Variants in ATRX observed in about 807,000 individuals in gnomAD.
ATRX encodes the protein chromatin remodeler ATRX.
A neutral mutation model predicts 172.6 loss-of-function variants in ATRX; 12 were observed. That is an observed-to-expected ratio of 0.07 (90% CI 0.04 to 0.11). The LOEUF is 0.11. Ranked by LOEUF, ATRX falls within the 10% of genes least tolerant of loss-of-function variation. The pLI, the probability that ATRX is intolerant of heterozygous loss-of-function variation, is 1.00. For missense variants in ATRX, 1,368 were observed against 1,767.4 expected, an observed-to-expected ratio of 0.77 and a Z score of 4.05; for synonymous variants, 674 against 594.7, an observed-to-expected ratio of 1.13 and a Z score of -1.94.
intron 26 of ATRX, among the ~76,000 whole-genome samples, chrX:77,592,767 G>A (rs1191914791): frequency 3.7e-5 from 4 of 108,007 alleles, no homozygotes; most frequent in Non-Finnish European, 5.7e-5. Flanking sequence ...AGCCGAGATC[G>A]CACCATTGCA....
At chrX:77,528,918 T>C (rs2063483831) in intron 30 of ATRX, among the ~76,000 whole-genome samples, 2 of 111,823 alleles carry the variant, frequency 1.8e-5, no homozygotes, top group African/African-American at 3.2e-5. Flanking sequence ...AGAATCACGA[T>C]AAAACAATAC....
At chrX:77,580,350 C>A (rs782633819) in intron 27 of ATRX, among the ~76,000 whole-genome samples, 11 of 111,494 alleles carry the variant, frequency 9.9e-5, no homozygotes, top group Non-Finnish European at 1.7e-4. Context: ...CCAAAAAAGA[C>A]TACTTCAAGG....
intron 14 of ATRX, among the ~76,000 whole-genome samples, chrX:77,653,524 AAT>A (rs2148447573): frequency 8.9e-6 from 1 of 112,157 alleles, no homozygotes; most frequent in Admixed American, 9.4e-5. Flanking sequence ...CATAAATGAA[AAT>A]AGAGGTTACC....
Position 77,751,531 on chromosome X carries a change from T to A in ATRX, c.21-34288A>T, listed in dbSNP as rs1283747857. Reference sequence around the variant, plus strand: ...GGAAGCTCTTTAATTAGATCTCATTTGTCAATTTTGGCTTTTGTTGCCATT... The same window carrying A: ...GGAAGCTCTTTAATTAGATCTCATTAGTCAATTTTGGCTTTTGTTGCCATT... On this transcript the variant is annotated intron_variant, in intron 1 of 34. Coordinates refer to ENST00000373344, the MANE Select transcript of ATRX (RefSeq NM_000489.6). Among the ~76,000 whole-genome samples, 10 of 112,517 alleles carry A rather than the reference T, an allele frequency of 8.9e-5. No individual in the cohort carries two copies. The Admixed American group carries it at 9.4e-4, about 11-fold the overall frequency.
In ATRX at chrX:77,774,141, G is replaced by A. The variant is rs535869746; in HGVS notation, c.20+11841C>T. 6.4e-5 allele frequency among the ~76,000 whole-genome samples: 7 copies of A among 109,928 alleles called. No homozygotes were observed. The South Asian group carries it at 2.7e-3, about 43-fold the overall frequency. Reference sequence around the variant, plus strand: ...GGTGGCTGAGGTAGGAGAATCACTTGAACCTGGGAGATGGAGGTTGCAGTG... The same window carrying A: ...GGTGGCTGAGGTAGGAGAATCACTTAAACCTGGGAGATGGAGGTTGCAGTG... On this transcript the variant is annotated intron_variant, in intron 1 of 34. Transcript: ENST00000373344.
rs3063061 is a variant in ATRX at position 77,671,167 on chromosome X, A to AATATATATAT, written c.3809+5049_3809+5058dup. Among the ~76,000 whole-genome samples the AATATATATAT allele has an allele frequency of 8.7e-3, 137 of 15,721 alleles. 3 individuals carry two copies. The highest frequency in any genetic ancestry group is 0.017 in the East Asian group (11 of 662). 13.7% of individuals were successfully genotyped at this position (15,721 alleles called of 115,157 possible). On this transcript the variant is annotated intron_variant, in intron 10 of 34. Coordinates refer to ENST00000373344, the MANE Select transcript of ATRX (RefSeq NM_000489.6). ...TGTCTCAAAAAAAAAAAAAAAAAAAAATATATATATATATATATATATATA... is the reference window on the plus strand; with the variant it reads ...TGTCTCAAAAAAAAAAAAAAAAAAAAATATATATATATATATATATATATATATATATATA...
chrX:77,615,185 G>A (rs2067307241), intron 22 of ATRX, among the ~76,000 whole-genome samples: 1 of 110,730 alleles, frequency 9.0e-6, no homozygotes, highest in African/African-American at 3.3e-5. Flanking sequence ...TTTTCGTGGA[G>A]ATAAGGTTTC....
chrX:77,637,942 A>G (rs1557109175), intron 15 of ATRX, among the ~76,000 whole-genome samples: 4 of 106,328 alleles, frequency 3.8e-5, no homozygotes, highest in Non-Finnish European at 7.8e-5. Context: ...TCCATCTCAA[A>G]AAAAAAAAAA....
chrX:77,589,844 A>T lies in ATRX; in HGVS notation c.6207T>A (p.Leu2069=), dbSNP rs369953134. The change falls in exon 27 of 35, where the codon CTT becomes CTA. Residue 2069 remains leucine, a synonymous_variant. Coordinates refer to ENST00000373344, the MANE Select transcript of ATRX (RefSeq NM_000489.6). ...REKTEDKDKP[L]IYKGEGKWLR... ...ATATTTGTAGCTCACCTTTATAAATAAGGGGTTTATCTTTATCTTCTGTCT... is the reference window on the plus strand; with the variant it reads ...ATATTTGTAGCTCACCTTTATAAATTAGGGGTTTATCTTTATCTTCTGTCT... 1 of 1,196,029 alleles carries T rather than the reference A, an allele frequency of 8.4e-7. No individual in the cohort carries two copies. The highest frequency in any genetic ancestry group is 1.1e-6 in the Non-Finnish European group (1 of 882,170).
rs782101067 is a variant in ATRX at position 77,561,728 on chromosome X, A to G, written c.6327-2882T>C. 1.7e-4 allele frequency: 19 copies of G among 111,349 alleles called. No individual in the cohort carries two copies. The Admixed American group carries it at 1.8e-3, about 11-fold the overall frequency. 9.2% of individuals were successfully genotyped at this position (111,349 alleles called of 1,213,427 possible). On this transcript the variant is annotated intron_variant, in intron 28 of 34. Transcript: ENST00000373344. ...TTTTGTTTTTATTATAACCTTTCAAAAACAGTTTAAGGTTCACAAAAATTA... is the reference window on the plus strand; with the variant it reads ...TTTTGTTTTTATTATAACCTTTCAAGAACAGTTTAAGGTTCACAAAAATTA...
At chrX:77,672,284 C>A (rs369625130) in intron 10 of ATRX, among the ~76,000 whole-genome samples, 28 of 109,963 alleles carry the variant, frequency 2.5e-4, no homozygotes, top group African/African-American at 8.6e-4. Context: ...AGAGAATAGA[C>A]AACATGTGTA....
At chrX:77,670,544 C>T (rs1021196036) in intron 10 of ATRX, among the ~76,000 whole-genome samples, 15 of 110,999 alleles carry the variant, frequency 1.4e-4, no homozygotes, top group Non-Finnish European at 7.6e-5. Flanking sequence ...AACCTGAGGT[C>T]AGGAGTTTGA....
chrX:77,640,707 G>A (rs2068613167), intron 15 of ATRX, among the ~76,000 whole-genome samples: 1 of 111,380 alleles, frequency 9.0e-6, no homozygotes, highest in Non-Finnish European at 1.9e-5. Flanking sequence ...AAGGATCAGG[G>A]AAAAGGGATT....
At chrX:77,730,084 T>C (rs2074234820) in intron 1 of ATRX, among the ~76,000 whole-genome samples, 2 of 112,345 alleles carry the variant, frequency 1.8e-5, no homozygotes, top group Non-Finnish European at 1.9e-5. Context: ...ACAAGTTTAC[T>C]ACTCACTGAA....
intron 1 of ATRX, among the ~76,000 whole-genome samples, chrX:77,757,669 T>C (rs1354990125): frequency 1.8e-5 from 2 of 110,136 alleles, no homozygotes; most frequent in Admixed American, 9.8e-5. Flanking sequence ...AAGGAAAGTA[T>C]TATCTTTTTT....
intron 27 of ATRX, among the ~76,000 whole-genome samples, chrX:77,582,498 G>C (rs1400709927): frequency 9.1e-6 from 1 of 109,789 alleles, no homozygotes; most frequent in African/African-American, 3.3e-5. Flanking sequence ...ATAAAGATCA[G>C]AGCAGAAATA....
chrX:77,550,316 G>A (rs2064432765), intron 30 of ATRX, among the ~76,000 whole-genome samples: 1 of 111,968 alleles, frequency 8.9e-6, no homozygotes, highest in African/African-American at 3.2e-5. Flanking sequence ...TTCAACATAT[G>A]CAAATCAATA....
At chrX:77,710,709 A>G (rs1432857008) in intron 2 of ATRX, among the ~76,000 whole-genome samples, 1 of 265 alleles carries the variant, frequency 3.8e-3, no homozygotes, top group Admixed American at 0.053. Context: ...ATTATTTACT[A>G]TAAACTCCAT....
intron 1 of ATRX, among the ~76,000 whole-genome samples, chrX:77,772,291 C>G (rs191058743): frequency 1.3e-3 from 128 of 97,793 alleles, no homozygotes; most frequent in African/African-American, 4.7e-3. Flanking sequence ...GCCTGGGCAA[C>G]ACAGCAAGAA....
Sources: gnomAD v4.1 joint callset for allele counts (sites outside exome capture counted in the v4.1 genomes callset) on GRCh38, gnomAD v4.1.1 for gene constraint, MANE v1.5 for transcripts, NCBI Gene and HGNC (gene_info 2026-07-23, HGNC 2026-07-21) for gene names.